Variants in THRA observed in about 807,000 individuals in gnomAD.
THRA encodes thyroid hormone receptor alpha, also known as EAR-7.
Under a neutral mutation model 45.0 loss-of-function variants are expected in THRA, and 13 were observed. The observed-to-expected ratio is 0.29, with a 90% CI of 0.19 to 0.46. The LOEUF is 0.46. Ranked by LOEUF, THRA falls within the 20% of genes least tolerant of loss-of-function variation. THRA has a pLI of 1.00. For missense variants in THRA, 278 were observed against 556.1 expected (o/e 0.50, Z 5.03); for synonymous variants, 195 against 214.0 (o/e 0.91, Z 0.78).
chr17:40,070,561 G>A (rs986934896), intron 1 of THRA, among the ~76,000 whole-genome samples: 6 of 152,264 alleles, frequency 3.9e-5, no homozygotes, highest in Non-Finnish European at 7.4e-5. Flanking sequence ...GCCCATAGAC[G>A]CCTGTGCCCA....
At position 40,076,759 on chromosome 17, in the gene THRA, G is replaced by A; in HGVS notation, c.54-112G>A. On this transcript the variant is annotated intron_variant, in intron 2 of 8. Coordinates refer to ENST00000450525, the MANE Select transcript of THRA (RefSeq NM_199334.5). ...GACCCTGGGGGGTGGGAGGTAGAAT[G>A]AGGACACAAAATGGAAAGAATCAGG... The A allele has an allele frequency of 1.8e-6, 2 of 1,132,808 alleles. 1 individual carries two copies. Among genetic ancestry groups the A allele is most frequent in the Non-Finnish European group, 2.6e-6 (2 of 783,140 alleles). 70.2% of individuals were successfully genotyped at this position (1,132,808 alleles called of 1,614,324 possible).
chr17:40,063,557 G>A (rs1022947934), intron 1 of THRA, among the ~76,000 whole-genome samples: 29 of 152,098 alleles, frequency 1.9e-4, no homozygotes, highest in Non-Finnish European at 1.2e-4. Flanking sequence ...AGGGCAGTAT[G>A]AGTGCGGTGG....
rs538213426 is a variant in THRA, at chr17:40,081,999, A to T, written c.223-1836A>T. 3.3e-5 allele frequency among the ~76,000 whole-genome samples: 5 copies of T among 152,072 alleles called. No individual in the cohort carries two copies. The South Asian group carries it at 1.0e-3, about 32-fold the overall frequency. On this transcript the variant is annotated intron_variant, in intron 4 of 8. Coordinates refer to ENST00000450525, the MANE Select transcript of THRA (RefSeq NM_199334.5). ...AAAAATTAAATTAAAAAAATAAAAT[A>T]AAGGTGAATCCCAATGTAGAGAATT...
In THRA at chr17:40,088,150, G is replaced by A. The variant is rs1987398060; in HGVS notation, c.724-92G>A. 13 of 1,489,536 alleles carry A rather than the reference G, an allele frequency of 8.7e-6. No homozygotes were observed. The Admixed American group carries it at 1.2e-4, about 13-fold the overall frequency. 92.3% of individuals were successfully genotyped at this position (1,489,536 alleles called of 1,614,324 possible). The stretch of plus-strand genomic sequence containing the variant: ...CGTTCAGAGTCCATGGGGGCCTTGC[G>A]GGCCTCACGGCTCCCGTAGGACACT... On this transcript the variant is annotated intron_variant, in intron 7 of 8. Transcript: ENST00000450525.
chr17:40,070,090 C>T (rs1986720829), intron 1 of THRA, among the ~76,000 whole-genome samples: 1 of 152,014 alleles, frequency 6.6e-6, no homozygotes, highest in African/African-American at 2.4e-5. Flanking sequence ...CACCCCATCT[C>T]CCATTCTCTA....
intron 7 of THRA, chr17:40,087,078 A>T (rs370216921): frequency 5.0e-5 from 29 of 574,540 alleles, no homozygotes; most frequent in Middle Eastern, 9.5e-4. Context: ...CACACCTAGC[A>T]TACAGATACG....
chr17:40,093,694 C>T (rs1424115701), downstream of THRA: 1 of 634,356 alleles, frequency 1.6e-6, no homozygotes, highest in East Asian at 2.7e-5. This position sits in a 1 kb window ranked among gnomAD's most constrained non-coding sequence, Gnocchi z 5.9. Flanking sequence ...AAATAGTTGT[C>T]TGTGCTTCCT....
chr17:40,074,272 C>A lies in THRA; in HGVS notation c.-217C>A. On this transcript the variant is annotated 5_prime_UTR_variant, in exon 2 of 9. Coordinates refer to ENST00000450525, the MANE Select transcript of THRA (RefSeq NM_199334.5). ...CCCACAAACCCAGCTTGCCCCCAGC[C>A]CTCCCACCTGCCACTCCCTGGCCCC... 1 of 579,554 alleles carries A rather than the reference C, an allele frequency of 1.7e-6. No individual in the cohort carries two copies. Among genetic ancestry groups the A allele is most frequent in the Non-Finnish European group, 3.1e-6 (1 of 323,270 alleles). The allele number at this position is 579,554 out of a possible 1,614,324, so 35.9% of individuals were successfully genotyped here. A position where few individuals can be genotyped will look rare whatever the true frequency, so the allele number is the denominator to read the frequency against.
At chr17:40,074,796 C>T (rs1319276277) in intron 2 of THRA, among the ~76,000 whole-genome samples, 1 of 152,230 alleles carries the variant, frequency 6.6e-6, no homozygotes, top group Non-Finnish European at 1.5e-5. Context: ...CTTCCCTAGA[C>T]ATTGCTGGGC....
chr17:40,086,211 G>A (rs1363940761), intron 6 of THRA, among the ~76,000 whole-genome samples: 2 of 152,190 alleles, frequency 1.3e-5, no homozygotes, highest in Non-Finnish European at 2.9e-5. Context: ...ATGCCGGGGG[G>A]TGGCACAGTG....
At chr17:40,076,784 G>C in intron 2 of THRA, 87 bp from the exon 3 acceptor site, 1 of 1,394,502 alleles carries the variant, frequency 7.2e-7, no homozygotes, top group South Asian at 1.2e-5. Flanking sequence ...AAAGAATCAG[G>C]CCTTGGGGGA....
intron 1 of THRA, chr17:40,069,106 CCCT>C (rs1986679191): frequency 6.9e-6 from 1 of 144,436 alleles, no homozygotes; most frequent in Admixed American, 6.9e-5. Flanking sequence ...CTCTCTCTCT[CCCT>C]CCCTCCCTTC....
chr17:40,075,530 C>CT (rs1336998389), intron 2 of THRA, among the ~76,000 whole-genome samples: 8 of 152,232 alleles, frequency 5.3e-5, no homozygotes, highest in Admixed American at 2.0e-4. Context: ...TGGCCTGTCG[C>CT]TGTGTGGCTG....
rs1387277671 is a variant in THRA, at chr17:40,091,890, A to C, written c.*2434A>C. ...AGTCCCTGCTGTGGAAGTGGGGGACAGGGCCCTCTCCTGGGGGCCATTGGT... is the reference window on the plus strand; with the variant it reads ...AGTCCCTGCTGTGGAAGTGGGGGACCGGGCCCTCTCCTGGGGGCCATTGGT... On this transcript the variant is annotated 3_prime_UTR_variant, in exon 9 of 9. Transcript: ENST00000450525. 1 of 152,278 alleles carries C rather than the reference A, an allele frequency of 6.6e-6. No homozygotes were observed. Among genetic ancestry groups the C allele is most frequent in the African/African-American group, 2.4e-5 (1 of 41,344 alleles). 9.4% of individuals were successfully genotyped at this position (152,278 alleles called of 1,614,324 possible). A position where few individuals can be genotyped will look rare whatever the true frequency, so the allele number is the denominator to read the frequency against.
intron 6 of THRA, 22 bp from the exon 7 acceptor site, chr17:40,086,685 T>A (rs777604041): frequency 6.2e-7 from 1 of 1,608,070 alleles, no homozygotes; most frequent in Non-Finnish European, 8.5e-7. Context: ...CGGCCCCAGC[T>A]GACCCCCGTC....
chr17:40,087,130 G>GAC (rs1177888772), intron 7 of THRA: 8 of 395,120 alleles, frequency 2.0e-5, no homozygotes, highest in Non-Finnish European at 2.8e-5. Flanking sequence ...CCAGCACACA[G>GAC]ACACACACAC....
At chr17:40,071,692 G>A (rs138860009) in intron 1 of THRA, among the ~76,000 whole-genome samples, 21 of 152,322 alleles carry the variant, frequency 1.4e-4, no homozygotes, top group Middle Eastern at 3.4e-3. Context: ...GACTCTGGAG[G>A]AGGGGTGAGA....
chr17:40,079,289 C>T (rs909950790), intron 4 of THRA, among the ~76,000 whole-genome samples: 1 of 152,032 alleles, frequency 6.6e-6, no homozygotes, highest in Non-Finnish European at 1.5e-5. Context: ...CTCTGTTGCC[C>T]AGCCTGGAGT....
In THRA at chr17:40,080,170, T is replaced by A. The variant is rs1380398415; in HGVS notation, c.222+2562T>A. ...ATCCAAACACTTTAGGAGGCCAAGG[T>A]GGGAGGATTGCTTGAGCCCAGGAGT... On this transcript the variant is annotated intron_variant, in intron 4 of 8. Coordinates refer to ENST00000450525, the MANE Select transcript of THRA (RefSeq NM_199334.5). Among the ~76,000 whole-genome samples the A allele has an allele frequency of 3.3e-5, 5 of 151,582 alleles. No individual in the cohort carries two copies. The East Asian group carries it at 9.6e-4, about 29-fold the overall frequency.
Sources: gnomAD v4.1 joint callset for allele counts (sites outside exome capture counted in the v4.1 genomes callset) on GRCh38, gnomAD v4.1.1 for gene constraint, Gnocchi (gnomAD v3.1) non-coding constraint, MANE v1.5 for transcripts, NCBI Gene and HGNC (gene_info 2026-07-23, HGNC 2026-07-21) for gene names.